The following NCOA7 variants were observed in gnomAD, a reference collection of about 807,000 sequenced individuals.
The protein encoded by NCOA7 is nuclear receptor coactivator 7, also known as 140 kDa estrogen receptor-associated protein.
A neutral mutation model predicts 104.3 loss-of-function variants in NCOA7; 45 were observed. The ratio of observed to expected loss-of-function variants is 0.43; its 90% CI spans 0.34 to 0.55. The LOEUF (loss-of-function observed/expected upper bound fraction) is 0.55. Ranked by LOEUF, NCOA7 falls within the 20% of genes least tolerant of loss-of-function variation. The probability of loss-of-function intolerance (pLI) is 0.02; values close to 1 mark genes in which losing one functional copy is unlikely to be tolerated. For synonymous variants in NCOA7, 398 were observed against 402.3 expected (o/e 0.99, Z 0.13); for missense variants, 1,041 against 1,119.7 (o/e 0.93, Z 1.00).
At chr6:125,840,321 G>A (rs1448053440) in intron 2 of NCOA7, among the ~76,000 whole-genome samples, 1 of 151,988 alleles carries the variant, frequency 6.6e-6, no homozygotes, top group Non-Finnish European at 1.5e-5. Context: ...AACTGATAAA[G>A]TAAAAAAGTT....
intron 2 of NCOA7, among the ~76,000 whole-genome samples, chr6:125,828,666 A>G (rs1366224111): frequency 1.3e-5 from 2 of 152,198 alleles, no homozygotes; most frequent in Non-Finnish European, 2.9e-5. Context: ...ACTTAATGCC[A>G]TGAGGATATT....
At chr6:125,852,521 A>G (rs1211496439) in intron 2 of NCOA7, among the ~76,000 whole-genome samples, 1 of 152,140 alleles carries the variant, frequency 6.6e-6, no homozygotes, top group African/African-American at 2.4e-5. Flanking sequence ...GTTTTCTTCT[A>G]GAGTTTTTGT....
chr6:125,915,613 C>G (rs1299213418), intron 11 of NCOA7, 133 bp downstream of exon 11: 1 of 1,078,268 alleles, frequency 9.3e-7, no homozygotes, highest in Non-Finnish European at 1.3e-6. Context: ...AGGAAAATAA[C>G]TTTATTCCTC....
intron 7 of NCOA7, among the ~76,000 whole-genome samples, chr6:125,883,239 TAGG>T (rs1783992435): frequency 1.3e-5 from 2 of 152,216 alleles, no homozygotes; most frequent in South Asian, 2.1e-4. Flanking sequence ...CCTGTGGTCA[TAGG>T]AGAATTCATA....
chr6:125,923,485 G>A lies in NCOA7; in HGVS notation c.2523+651G>A, dbSNP rs140235443. 9.2e-5 allele frequency among the ~76,000 whole-genome samples: 14 copies of A among 152,262 alleles called. No homozygotes were observed. In the East Asian group the frequency reaches 2.7e-3, roughly 29 times the overall value. ...CCGTAAGTCAGCTCAGAATGGGAGTGGAATCTGTCCAGGTTTTTTTCGGTC... is the reference window on the plus strand; with the variant it reads ...CCGTAAGTCAGCTCAGAATGGGAGTAGAATCTGTCCAGGTTTTTTTCGGTC... On this transcript the variant is annotated intron_variant, in intron 13 of 15. Coordinates refer to ENST00000392477, the MANE Select transcript of NCOA7 (RefSeq NM_181782.5).
intron 2 of NCOA7, among the ~76,000 whole-genome samples, chr6:125,816,013 A>G (rs1448022446): frequency 6.6e-6 from 1 of 152,246 alleles, no homozygotes; most frequent in Non-Finnish European, 1.5e-5. Flanking sequence ...ATTATATGCT[A>G]AACATTTGTA....
chr6:125,849,433 C>T (rs1326788179), intron 2 of NCOA7, among the ~76,000 whole-genome samples: 1 of 152,210 alleles, frequency 6.6e-6, no homozygotes. Context: ...TTCTTCTGCC[C>T]TTGGGGAAGC....
At chr6:125,854,913 T>C in intron 2 of NCOA7, 107 bp from the exon 3 acceptor site, 1 of 695,298 alleles carries the variant, frequency 1.4e-6, no homozygotes, top group South Asian at 1.9e-5. Context: ...GAAAGTGTTT[T>C]CTGTATCAGT....
intron 6 of NCOA7, 125 bp from the exon 7 acceptor site, chr6:125,882,301 G>T: frequency 1.2e-6 from 1 of 865,680 alleles, no homozygotes; most frequent in Non-Finnish European, 1.8e-6. Context: ...GAGGATATTT[G>T]CCTTTTTAAT....
chr6:125,804,630 A>G (rs1776253558), intron 1 of NCOA7, among the ~76,000 whole-genome samples: 2 of 152,226 alleles, frequency 1.3e-5, no homozygotes, highest in Non-Finnish European at 2.9e-5. Flanking sequence ...CTTATACCTT[A>G]TGAGTATTAA....
Position 125,889,393 on chromosome 6 carries a change from C to T in NCOA7, c.1339C>T (p.Arg447Ter), listed in dbSNP as rs958030764. 2 of 1,613,644 alleles carry T rather than the reference C, an allele frequency of 1.2e-6. No individual in the cohort carries two copies. The highest frequency in any genetic ancestry group is 1.7e-6 in the Non-Finnish European group (2 of 1,179,862). The change falls in exon 9 of 16, where the codon CGA (arginine) becomes TGA (stop). Residue 447 changes from arginine to a stop codon, truncating the protein, a stop_gained. Coordinates refer to ENST00000392477, the MANE Select transcript of NCOA7 (RefSeq NM_181782.5). LOFTEE classifies it high-confidence loss of function. ...GTGCCTTTCTCTTGACCCAGAGGAA[C>T]GAAAGAAAGCTGAGTCACAAATAAA... ...KECLSLDPEE[R>*]KKAESQINNS...
intron 10 of NCOA7, among the ~76,000 whole-genome samples, chr6:125,895,228 T>C (rs754991523): frequency 6.6e-6 from 1 of 152,176 alleles, no homozygotes; most frequent in Non-Finnish European, 1.5e-5. Flanking sequence ...ATGGAAATAG[T>C]GTTAAGTAGC....
At chr6:125,897,404 A>G (rs1785119170) in intron 10 of NCOA7, among the ~76,000 whole-genome samples, 1 of 152,212 alleles carries the variant, frequency 6.6e-6, no homozygotes, top group South Asian at 2.1e-4. Context: ...TTTCATACTT[A>G]GTTCTTAGCT....
chr6:125,840,867 G>GTTTTTTTTTTTTTTTTTT lies in NCOA7; in HGVS notation c.51-14153_51-14152insTTTTTTTTTTTTTTTTTT, dbSNP rs1305583308. On this transcript the variant is annotated intron_variant, in intron 2 of 15. Transcript: ENST00000392477. ...CTTTTATGGTTTTTTTTGTTTGGTT[G>GTTTTTTTTTTTTTTTTTT]GTTTTTTTTTTTTTTTTTTTTTTTT... Among the ~76,000 whole-genome samples the GTTTTTTTTTTTTTTTTTT allele has an allele frequency of 3.9e-5, 2 of 50,658 alleles. 1 individual carries two copies. 33.2% of individuals were successfully genotyped at this position (50,658 alleles called of 152,430 possible). A position where few individuals can be genotyped will look rare whatever the true frequency, so the allele number is the denominator to read the frequency against.
intron 1 of NCOA7, 22 bp downstream of exon 1, chr6:125,791,089 A>C (rs1406942270): frequency 6.5e-6 from 1 of 153,218 alleles, no homozygotes; most frequent in Admixed American, 6.5e-5. Context: ...GGCGGGGCCC[A>C]GCCCTCGCCG....
chr6:125,919,174 G>A, intron 11 of NCOA7: 1 of 1,459,726 alleles, frequency 6.9e-7, no homozygotes, highest in Non-Finnish European at 9.2e-7. Flanking sequence ...CCTAATTTGG[G>A]TGTGTTCCTG....
At chr6:125,831,079 T>C (rs1406740046) in intron 2 of NCOA7, among the ~76,000 whole-genome samples, 2 of 152,176 alleles carry the variant, frequency 1.3e-5, no homozygotes, top group East Asian at 1.9e-4. Flanking sequence ...CTTTATGCAT[T>C]ATGGCATATT....
At position 125,813,116 on chromosome 6, in the gene NCOA7, G is replaced by A. The variant is rs1562809404; in HGVS notation, c.-64-2175G>A. Among the ~76,000 whole-genome samples, 5 of 152,258 alleles carry A rather than the reference G, an allele frequency of 3.3e-5. No homozygotes were observed. In the South Asian group the frequency reaches 6.2e-4, roughly 19 times the overall value. ...CCCTCATGGAGAACCCTCTGGTGGC[G>A]CCCTTCCATGTACCTTGGGGATGAG... On this transcript the variant is annotated intron_variant, in intron 1 of 15. Coordinates refer to ENST00000392477, the MANE Select transcript of NCOA7 (RefSeq NM_181782.5).
chr6:125,919,065 G>A (rs1360056041), intron 11 of NCOA7, among the ~76,000 whole-genome samples: 1 of 152,154 alleles, frequency 6.6e-6, no homozygotes, highest in Non-Finnish European at 1.5e-5. Context: ...ATGAACAATG[G>A]GGTTTTATCA....
Sources: gnomAD v4.1 joint callset for allele counts (sites outside exome capture counted in the v4.1 genomes callset) on GRCh38, gnomAD v4.1.1 for gene constraint, MANE v1.5 for transcripts, NCBI Gene and HGNC (gene_info 2026-07-23, HGNC 2026-07-21) for gene names.